FHIT: variants seen among roughly 807,000 people sequenced by gnomAD.
The protein encoded by FHIT is bis(5'-adenosyl)-triphosphatase.
A neutral mutation model predicts 17.9 loss-of-function variants in FHIT; 19 were observed. The ratio of observed to expected loss-of-function variants is 1.06; its 90% CI spans 0.74 to 1.56. The LOEUF is 1.56. FHIT is among the 40% of genes most tolerant of loss of function. The pLI is 0.00. For synonymous variants in FHIT, 81 were observed against 69.7 expected, an observed-to-expected ratio of 1.16 and a Z score of -0.81; for missense variants, 248 against 189.2, an observed-to-expected ratio of 1.31 and a Z score of -1.82.
intron 5 of FHIT, among the ~76,000 whole-genome samples, chr3:60,310,104 T>C (rs1708873842): frequency 6.6e-6 from 1 of 152,106 alleles, no homozygotes; most frequent in African/African-American, 2.4e-5. Context: ...GCAACCTTTA[T>C]TTACTTCTCC....
At chr3:61,094,140 G>GTGTGTA (rs2035568595) in intron 2 of FHIT, among the ~76,000 whole-genome samples, 1 of 152,044 alleles carries the variant, frequency 6.6e-6, no homozygotes, top group African/African-American at 2.4e-5. Flanking sequence ...GTGTGTGTGT[G>GTGTGTA]TGTGTATTTT....
At chr3:60,255,005 C>A (rs147138226) in intron 5 of FHIT, among the ~76,000 whole-genome samples, 6 of 152,032 alleles carry the variant, frequency 3.9e-5, no homozygotes, top group Admixed American at 6.6e-5. Flanking sequence ...AAGAATGAAA[C>A]AGATTTTTTT....
intron 5 of FHIT, among the ~76,000 whole-genome samples, chr3:60,065,824 T>C (rs938218651): frequency 6.6e-6 from 1 of 152,186 alleles, no homozygotes; most frequent in East Asian, 1.9e-4. Context: ...AGTGAAAATC[T>C]GCTGGGGAAT....
chr3:60,950,743 G>A (rs60484330), intron 3 of FHIT, among the ~76,000 whole-genome samples: 57 of 151,410 alleles, frequency 3.8e-4, no homozygotes, highest in Non-Finnish European at 6.0e-4. Context: ...GGCTGGTCTC[G>A]AACTCCTGAC....
At chr3:60,456,617 T>C (rs2032111748) in intron 5 of FHIT, among the ~76,000 whole-genome samples, 2 of 152,226 alleles carry the variant, frequency 1.3e-5, no homozygotes, top group African/African-American at 4.8e-5. Flanking sequence ...AATGGGCTTG[T>C]TCCTCTGATT....
intron 7 of FHIT, among the ~76,000 whole-genome samples, chr3:59,986,783 T>TGTATTTATATAA (rs1708981862): frequency 0.042 from 1 of 24 alleles, no homozygotes; most frequent in Non-Finnish European, 0.083. Flanking sequence ...AATATATAAA[T>TGTATTTATATAA]ATATATATAT....
chr3:60,129,728 G>T (rs546522125), intron 5 of FHIT, among the ~76,000 whole-genome samples: 41 of 152,166 alleles, frequency 2.7e-4, no homozygotes, highest in Admixed American at 9.2e-4. Context: ...TTGTTATCAA[G>T]TTAAAGTTAA....
intron 5 of FHIT, among the ~76,000 whole-genome samples, chr3:60,384,836 T>TG (rs1700946473): frequency 7.4e-6 from 1 of 135,476 alleles, no homozygotes; most frequent in Non-Finnish European, 1.6e-5. Context: ...TTCACATTAG[T>TG]AAAAAAAAAA....
intron 4 of FHIT, among the ~76,000 whole-genome samples, chr3:60,594,000 G>A (rs1348786371): frequency 6.6e-6 from 1 of 152,088 alleles, no homozygotes; most frequent in African/African-American, 2.4e-5. Flanking sequence ...GTATATGAAA[G>A]TAATTAGGCT....
At chr3:59,936,314 G>C (rs1472832687) in intron 7 of FHIT, among the ~76,000 whole-genome samples, 1 of 152,120 alleles carries the variant, frequency 6.6e-6, no homozygotes, top group Non-Finnish European at 1.5e-5. Context: ...TTTGTAGAGT[G>C]ATTCCCTCTG....
chr3:61,207,177 T>C (rs1192926582), intron 1 of FHIT, among the ~76,000 whole-genome samples: 1 of 152,182 alleles, frequency 6.6e-6, no homozygotes, highest in Non-Finnish European at 1.5e-5. Context: ...ACCCACTTGA[T>C]CATGGTGGAT....
intron 4 of FHIT, among the ~76,000 whole-genome samples, chr3:60,772,554 G>T (rs1700080740): frequency 6.6e-6 from 1 of 151,990 alleles, no homozygotes; most frequent in Non-Finnish European, 1.5e-5. Context: ...TAGCATTCAA[G>T]CTGCCAAGCT....
intron 4 of FHIT, among the ~76,000 whole-genome samples, chr3:60,808,459 T>C (rs1052083213): frequency 1.5e-4 from 23 of 152,312 alleles, no homozygotes; most frequent in African/African-American, 5.1e-4. Context: ...TTCATTTTCT[T>C]TGAGAGGCTC....
intron 5 of FHIT, among the ~76,000 whole-genome samples, chr3:60,016,123 G>C (rs914949890): frequency 6.6e-6 from 1 of 152,090 alleles, no homozygotes; most frequent in Non-Finnish European, 1.5e-5. Context: ...CTGTTTGCTT[G>C]GGATTATCTC....
chr3:59,982,143 A>G (rs1204870356), intron 7 of FHIT, among the ~76,000 whole-genome samples: 2 of 152,172 alleles, frequency 1.3e-5, no homozygotes, highest in African/African-American at 4.8e-5. Context: ...ATAGTGATGT[A>G]TGGTCTCTTT....
At chr3:60,529,220 GATC>G (rs2035681703) in intron 5 of FHIT, among the ~76,000 whole-genome samples, 2 of 152,060 alleles carry the variant, frequency 1.3e-5, no homozygotes, top group Admixed American at 6.5e-5. Context: ...AAATAAATTA[GATC>G]ATTAATTTGC....
chr3:60,708,328 A>G (rs959754915), intron 4 of FHIT, among the ~76,000 whole-genome samples: 4 of 152,188 alleles, frequency 2.6e-5, no homozygotes, highest in Admixed American at 2.0e-4. Context: ...TAACCATTAC[A>G]TGGAAAGAAG....
chr3:59,810,151 G>T (rs1700357225), intron 8 of FHIT, among the ~76,000 whole-genome samples: 1 of 152,158 alleles, frequency 6.6e-6, no homozygotes, highest in East Asian at 1.9e-4. Context: ...AGGTGTGAAA[G>T]GCTGTACTGG....
At chr3:60,626,288 T>C (rs944598174) in intron 4 of FHIT, among the ~76,000 whole-genome samples, 27 of 152,238 alleles carry the variant, frequency 1.8e-4, no homozygotes, top group Admixed American at 4.6e-4. Context: ...AGGAGTTGCA[T>C]TGAATCTTTA....
Sources: gnomAD v4.1 joint callset for allele counts (sites outside exome capture counted in the v4.1 genomes callset) on GRCh38, gnomAD v4.1.1 for gene constraint, MANE v1.5 for transcripts, NCBI Gene and HGNC (gene_info 2026-07-23, HGNC 2026-07-21) for gene names.